Variants in ANGPT1 observed in about 807,000 individuals in gnomAD.
ANGPT1 encodes the protein angiopoietin 1.
A neutral mutation model predicts 62.2 loss-of-function variants in ANGPT1; 17 were observed. The observed-to-expected ratio is 0.27, with a 90% CI of 0.19 to 0.41. The LOEUF (loss-of-function observed/expected upper bound fraction) is 0.41. Ranked by LOEUF, ANGPT1 falls within the 10% of genes least tolerant of loss-of-function variation. The probability of loss-of-function intolerance (pLI) is 1.00; values close to 1 mark genes in which losing one functional copy is unlikely to be tolerated. For synonymous variants in ANGPT1, 199 were observed against 198.9 expected (o/e 1.00, Z 0.00); for missense variants, 478 against 594.9 (o/e 0.80, Z 2.04).
intron 6 of ANGPT1, among the ~76,000 whole-genome samples, chr8:107,285,613 A>G (rs2130140160): frequency 6.6e-6 from 1 of 152,072 alleles, no homozygotes; most frequent in East Asian, 1.9e-4. Flanking sequence ...TCTTTGGGGG[A>G]AGTCAAGGTT....
chr8:107,386,969 C>A (rs1379179700), intron 1 of ANGPT1, among the ~76,000 whole-genome samples: 1 of 151,984 alleles, frequency 6.6e-6, no homozygotes, highest in Non-Finnish European at 1.5e-5. Context: ...TTATTAGACA[C>A]AAACTATGTG....
At chr8:107,487,778 A>T (rs528755214) in intron 1 of ANGPT1, among the ~76,000 whole-genome samples, 1 of 152,330 alleles carries the variant, frequency 6.6e-6, no homozygotes, top group East Asian at 1.9e-4. Flanking sequence ...AGAAAATAGC[A>T]GTTCTTGAGA....
intron 1 of ANGPT1, among the ~76,000 whole-genome samples, chr8:107,376,307 G>A (rs1421506424): frequency 1.3e-5 from 2 of 152,154 alleles, no homozygotes; most frequent in Admixed American, 6.5e-5. Context: ...ATGTGGTAAC[G>A]TGCAGCAAAA....
chr8:107,471,132 C>A (rs1812345945), intron 1 of ANGPT1, among the ~76,000 whole-genome samples: 1 of 152,026 alleles, frequency 6.6e-6, no homozygotes, highest in Admixed American at 6.6e-5. Context: ...ATAGCAAAGA[C>A]CTGGAACCAA....
rs35460809 is a variant in ANGPT1 at position 107,310,955 on chromosome 8, ATGTG to A, written c.809-7592_809-7589del. Reference sequence around the variant, plus strand: ...AGTGTGAGTGTGTGTGTGTGTATGTATGTGTGTGTGTATGAGTGTGTATGTGAGT... The same window carrying A: ...AGTGTGAGTGTGTGTGTGTGTATGTATGTGTGTATGAGTGTGTATGTGAGT... On this transcript the variant is annotated intron_variant, in intron 4 of 8. Transcript: ENST00000517746. Among the ~76,000 whole-genome samples the A allele has an allele frequency of 8.8e-5, 13 of 147,310 alleles. No homozygotes were observed. The East Asian group carries it at 1.4e-3, about 16-fold the overall frequency.
chr8:107,469,254 C>G (rs529086336), intron 1 of ANGPT1, among the ~76,000 whole-genome samples: 1 of 152,106 alleles, frequency 6.6e-6, no homozygotes, highest in East Asian at 1.9e-4. Flanking sequence ...CAAATCCAAT[C>G]TTTTATTTTG....
rs559485919 is a variant in ANGPT1 at position 107,317,867 on chromosome 8, G to C, written c.808+4029C>G. Among the ~76,000 whole-genome samples, 3 of 152,230 alleles carry C rather than the reference G, an allele frequency of 2.0e-5. No homozygotes were observed. The East Asian group carries it at 5.8e-4, about 29-fold the overall frequency. On this transcript the variant is annotated intron_variant, in intron 4 of 8. Coordinates refer to ENST00000517746, the MANE Select transcript of ANGPT1 (RefSeq NM_001146.5). ...GCTGGTCTTGAACTTCTGACCTCAA[G>C]TGATCCACCCACTTTGGCCTCCCAA... is the stretch of plus-strand genomic sequence containing the variant.
At chr8:107,404,457 C>T (rs576206155) in intron 1 of ANGPT1, among the ~76,000 whole-genome samples, 19 of 152,154 alleles carry the variant, frequency 1.2e-4, no homozygotes, top group African/African-American at 4.6e-4. Flanking sequence ...TTTTAAACCT[C>T]AGTTGAATCA....
chr8:107,380,419 C>T (rs142167046), intron 1 of ANGPT1, among the ~76,000 whole-genome samples: 50 of 149,126 alleles, frequency 3.4e-4, no homozygotes, highest in African/African-American at 1.1e-3. Context: ...ACTATATATA[C>T]GTATATATAT....
At chr8:107,446,995 A>C (rs1811640783) in intron 1 of ANGPT1, among the ~76,000 whole-genome samples, 1 of 152,208 alleles carries the variant, frequency 6.6e-6, no homozygotes, top group Non-Finnish European at 1.5e-5. Flanking sequence ...CTTCTAGTAG[A>C]GTTGCCCAGA....
At chr8:107,371,745 CG>C (rs1563592061) in intron 1 of ANGPT1, among the ~76,000 whole-genome samples, 4 of 151,910 alleles carry the variant, frequency 2.6e-5, no homozygotes, top group South Asian at 4.2e-4. Context: ...CCTGTGGTGC[CG>C]GGCATTCTTA....
chr8:107,476,622 T>A (rs1812539284), intron 1 of ANGPT1, among the ~76,000 whole-genome samples: 1 of 151,638 alleles, frequency 6.6e-6, no homozygotes, highest in Non-Finnish European at 1.5e-5. Context: ...TGAAAGCACC[T>A]TAGGATCGTC....
Position 107,251,377 on chromosome 8 carries a change from TA to T in ANGPT1, c.*477del, listed in dbSNP as rs1374215901. 1.3e-5 allele frequency: 2 copies of T among 153,900 alleles called. No homozygotes were observed. The highest frequency in any genetic ancestry group is 3.8e-4 in the East Asian group (2 of 5,248). The allele number at this position is 153,900 out of a possible 1,614,324, so 9.5% of individuals were successfully genotyped here. On this transcript the variant is annotated 3_prime_UTR_variant, in exon 9 of 9. Coordinates refer to ENST00000517746, the MANE Select transcript of ANGPT1 (RefSeq NM_001146.5). Reference sequence around the variant, plus strand: ...AATTTTTATCAAAATTGTGCAACAGTATAATTTGTTAGTAGGTTTGCATAGA... The same window carrying T: ...AATTTTTATCAAAATTGTGCAACAGTTAATTTGTTAGTAGGTTTGCATAGA...
chr8:107,370,364 G>GAA lies in ANGPT1; in HGVS notation c.298-23269_298-23268dup, dbSNP rs1479952530. The stretch of plus-strand genomic sequence containing the variant: ...AAAAAGAAAGAAAGAAAGAAAGAAA[G>GAA]AAAGAAAGAAAGAAAGAAAGAAAGA... On this transcript the variant is annotated intron_variant, in intron 1 of 8. Transcript: ENST00000517746. Among the ~76,000 whole-genome samples, 59 of 32,480 alleles carry GAA rather than the reference G, an allele frequency of 1.8e-3. 7 individuals carry two copies. Among genetic ancestry groups the GAA allele is most frequent in the African/African-American group, 2.9e-3 (53 of 18,088 alleles). The allele number at this position is 32,480 out of a possible 152,430, so 21.3% of individuals were successfully genotyped here.
chr8:107,430,885 T>C (rs1268529182), intron 1 of ANGPT1, among the ~76,000 whole-genome samples: 1 of 152,232 alleles, frequency 6.6e-6, no homozygotes, highest in Non-Finnish European at 1.5e-5. Context: ...TTTGGTGCAC[T>C]AAGATTAACT....
chr8:107,428,239 C>T (rs2130396256), intron 1 of ANGPT1, among the ~76,000 whole-genome samples: 1 of 152,298 alleles, frequency 6.6e-6, no homozygotes, highest in East Asian at 1.9e-4. Context: ...ATGTTTCCAT[C>T]TATTACCCAC....
In ANGPT1 at chr8:107,497,364, G is replaced by T. The variant is rs755166783; in HGVS notation, c.195C>A (p.Asn65Lys). ...CGTGTGGAGCATCTCTCTGCAGAGC[G>T]TTTGTGTTGTACTGGTCTGTCGTAC... Reference protein sequence around the residue: ...RESTTDQYNTNALQRDAPHVE... With the variant: ...RESTTDQYNTKALQRDAPHVE... Residue 65 changes from asparagine to lysine, a missense_variant, in exon 1 of 9, where the codon AAC becomes AAA. Coordinates refer to ENST00000517746, the MANE Select transcript of ANGPT1 (RefSeq NM_001146.5). 3 of 1,614,162 alleles carry T rather than the reference G, an allele frequency of 1.9e-6. No homozygotes were observed. The East Asian group carries it at 6.7e-5, about 36-fold the overall frequency.
chr8:107,431,444 T>C (rs1811185552), intron 1 of ANGPT1, among the ~76,000 whole-genome samples: 1 of 152,196 alleles, frequency 6.6e-6, no homozygotes, highest in Non-Finnish European at 1.5e-5. Flanking sequence ...ACACTTAAGC[T>C]AAAGTGACTT....
chr8:107,370,382 A>T (rs1448058503), intron 1 of ANGPT1, among the ~76,000 whole-genome samples: 1 of 43,332 alleles, frequency 2.3e-5, no homozygotes, highest in African/African-American at 4.5e-5. Context: ...GAAAGAAAGA[A>T]AGAAAGAAAG....
Sources: gnomAD v4.1 joint callset for allele counts (sites outside exome capture counted in the v4.1 genomes callset) on GRCh38, gnomAD v4.1.1 for gene constraint, MANE v1.5 for transcripts, NCBI Gene and HGNC (gene_info 2026-07-23, HGNC 2026-07-21) for gene names.